Variants in AUTS2 observed in about 807,000 individuals in gnomAD.
AUTS2 encodes the protein autism susceptibility gene 2 protein.
In AUTS2, 17 loss-of-function variants were observed where a neutral mutation model predicts 112.4. The observed-to-expected ratio is 0.15, with a 90% CI of 0.10 to 0.23. AUTS2 has a LOEUF of 0.23. Among genes scored for constraint, AUTS2 ranks in the 10% least tolerant of loss-of-function variants. AUTS2 has a pLI of 1.00. For synonymous variants in AUTS2, 751 were observed against 702.7 expected (o/e 1.07, Z -1.09); for missense variants, 1,510 against 1,701.6 (o/e 0.89, Z 1.98).
chr7:69,614,401 G>T (rs1793252279), intron 1 of AUTS2, among the ~76,000 whole-genome samples: 1 of 56,740 alleles, frequency 1.8e-5, no homozygotes. Context: ...TGTTTCCCAG[G>T]CTGGAGTGCA....
At chr7:70,156,890 GTAAAAAAAAAA>G (rs1807795901) in intron 4 of AUTS2, among the ~76,000 whole-genome samples, 1 of 6,010 alleles carries the variant, frequency 1.7e-4, no homozygotes, top group African/African-American at 7.3e-4. Flanking sequence ...TCTACTAAAA[GTAAAAAAAAAA>G]AAAAAAAAAA....
At chr7:70,710,324 C>A (rs1809983300) in intron 6 of AUTS2, among the ~76,000 whole-genome samples, 1 of 152,102 alleles carries the variant, frequency 6.6e-6, no homozygotes, top group Admixed American at 6.5e-5. Context: ...TGAGATGACT[C>A]ATTTTACCAC....
intron 4 of AUTS2, among the ~76,000 whole-genome samples, chr7:70,403,237 G>A (rs1374425036): frequency 6.6e-6 from 1 of 152,346 alleles, no homozygotes; most frequent in Non-Finnish European, 1.5e-5. Flanking sequence ...ACAACAGGAT[G>A]TGAGTCTTTC....
At chr7:70,589,910 T>A (rs1244403258) in intron 5 of AUTS2, among the ~76,000 whole-genome samples, 1 of 152,124 alleles carries the variant, frequency 6.6e-6, no homozygotes, top group Non-Finnish European at 1.5e-5. Flanking sequence ...TCCTCTGCTG[T>A]TCCCCACTCA....
intron 6 of AUTS2, among the ~76,000 whole-genome samples, chr7:70,726,764 C>T (rs2129552095): frequency 6.6e-6 from 1 of 152,308 alleles, no homozygotes. Flanking sequence ...GAGGCTTAAA[C>T]ACAATAGCAT....
intron 2 of AUTS2, among the ~76,000 whole-genome samples, chr7:70,117,122 TTTTTGTTTTTTTTTG>T (rs1805413153): frequency 7.5e-6 from 1 of 133,140 alleles, no homozygotes; most frequent in African/African-American, 2.8e-5. Flanking sequence ...TTTTTGTTTT[TTTTTGTTTTTTTTTG>T]TTTTTTTTTT....
chr7:70,297,004 A>AC (rs1276233895), intron 4 of AUTS2, among the ~76,000 whole-genome samples: 1 of 137,160 alleles, frequency 7.3e-6, no homozygotes, highest in Non-Finnish European at 1.6e-5. Context: ...ATAATGCCTG[A>AC]CTTTTTTTTT....
At chr7:70,123,315 CT>C (rs1805787787) in intron 3 of AUTS2, among the ~76,000 whole-genome samples, 1 of 151,976 alleles carries the variant, frequency 6.6e-6, no homozygotes, top group Non-Finnish European at 1.5e-5. Context: ...TATTTTTTTA[CT>C]TTTATTTTAG....
At chr7:70,688,216 T>C (rs1009876017) in intron 5 of AUTS2, among the ~76,000 whole-genome samples, 1 of 152,216 alleles carries the variant, frequency 6.6e-6, no homozygotes, top group African/African-American at 2.4e-5. Flanking sequence ...ATTTCCACCG[T>C]GTCTTCATTC....
At chr7:69,627,459 C>T (rs1046452161) in intron 1 of AUTS2, among the ~76,000 whole-genome samples, 1 of 151,960 alleles carries the variant, frequency 6.6e-6, no homozygotes, top group Non-Finnish European at 1.5e-5. Flanking sequence ...CCATTGCACT[C>T]CAACCTGGAC....
intron 8 of AUTS2, among the ~76,000 whole-genome samples, 174 bp from the exon 9 acceptor site, chr7:70,765,940 G>A (rs1168411100): frequency 2.6e-5 from 4 of 152,056 alleles, no homozygotes; most frequent in African/African-American, 7.3e-5. Context: ...GACAGGGTGC[G>A]ACCGGGCCTT....
chr7:70,742,468 A>G (rs1213561222), intron 6 of AUTS2, among the ~76,000 whole-genome samples: 1 of 152,218 alleles, frequency 6.6e-6, no homozygotes, highest in Non-Finnish European at 1.5e-5. Flanking sequence ...TTCTGATTTA[A>G]AAGTGAAATT....
intron 5 of AUTS2, chr7:70,596,010 A>G (rs1803183147): frequency 6.6e-6 from 1 of 152,202 alleles, no homozygotes; most frequent in Non-Finnish European, 1.5e-5. Context: ...CCCGCGCAGC[A>G]GCCAATCCGC....
chr7:70,141,198 G>A (rs1806843589), intron 4 of AUTS2, among the ~76,000 whole-genome samples: 1 of 152,144 alleles, frequency 6.6e-6, no homozygotes, highest in Admixed American at 6.6e-5. Flanking sequence ...TGAATTGACT[G>A]TATGATGTCT....
chr7:69,599,476 TC>T lies in AUTS2; in HGVS notation c.-177del, dbSNP rs1792247552. The T allele has an allele frequency of 2.0e-6, 1 of 509,178 alleles. No homozygotes were observed. Among genetic ancestry groups the T allele is most frequent in the Admixed American group, 4.6e-5 (1 of 21,828 alleles). The allele number at this position is 509,178 out of a possible 1,614,324, so 31.5% of individuals were successfully genotyped here. ...CCCTCTCTCCGCCCCTTCCCCCTTT[TC>T]TTTCTCCTCTCTTTCTTCCCCTCTC... On this transcript the variant is annotated 5_prime_UTR_variant, in exon 1 of 19. Transcript: ENST00000342771. The surrounding 1 kb of genome is among the most constrained non-coding windows in gnomAD (Gnocchi z 7.0).
intron 2 of AUTS2, among the ~76,000 whole-genome samples, chr7:70,090,169 A>G (rs1803836995): frequency 6.6e-6 from 1 of 151,716 alleles, no homozygotes; most frequent in Non-Finnish European, 1.5e-5. Context: ...TTGGGGTTAT[A>G]CCATATCTTC....
intron 4 of AUTS2, among the ~76,000 whole-genome samples, chr7:70,301,882 C>T (rs1789232992): frequency 6.6e-6 from 1 of 151,968 alleles, no homozygotes; most frequent in African/African-American, 2.4e-5. Context: ...CCTCAGCCTC[C>T]CAAGTAGCTG....
intron 5 of AUTS2, among the ~76,000 whole-genome samples, chr7:70,479,068 G>A (rs1797691545): frequency 6.6e-6 from 1 of 151,350 alleles, no homozygotes; most frequent in Admixed American, 6.6e-5. Flanking sequence ...TAAGTGCAGA[G>A]AAAAAGGAGG....
At chr7:70,012,391 A>G (rs1799844094) in intron 2 of AUTS2, among the ~76,000 whole-genome samples, 2 of 152,196 alleles carry the variant, frequency 1.3e-5, no homozygotes, top group African/African-American at 4.8e-5. Flanking sequence ...AAACCTAGAC[A>G]TGAGTTTGAC....
Sources: gnomAD v4.1 joint callset for allele counts (sites outside exome capture counted in the v4.1 genomes callset) on GRCh38, gnomAD v4.1.1 for gene constraint, Gnocchi (gnomAD v3.1) non-coding constraint, MANE v1.5 for transcripts, NCBI Gene and HGNC (gene_info 2026-07-23, HGNC 2026-07-21) for gene names.